Variants in BRWD1 observed in about 807,000 individuals in gnomAD.
The protein encoded by BRWD1 is bromodomain and WD repeat domain containing 1, also known as bromodomain and WD repeat-containing protein 1.
A neutral mutation model predicts 251.2 loss-of-function variants in BRWD1; 82 were observed. That is an observed-to-expected ratio of 0.33 (90% CI 0.27 to 0.39). BRWD1 has a LOEUF of 0.39. Ranked by LOEUF, BRWD1 falls within the 10% of genes least tolerant of loss-of-function variation. The pLI is 1.00. For missense variants in BRWD1, 2,233 were observed against 2,711.6 expected, an observed-to-expected ratio of 0.82 and a Z score of 3.92; for synonymous variants, 918 against 902.8, an observed-to-expected ratio of 1.02 and a Z score of -0.30.
Position 39,195,980 on chromosome 21 carries a change from G to A in BRWD1, c.*279C>T. ...GGTTTTGATAACCAGGATGTCTAGT[G>A]TTTAACATATTTCAAACTCTTGCTA... On this transcript the variant is annotated 3_prime_UTR_variant, in exon 41 of 41. Coordinates refer to ENST00000342449, the MANE Select transcript of BRWD1 (RefSeq NM_033656.4). 9.1e-7 allele frequency: 1 copy of A among 1,104,370 alleles called. No homozygotes were observed. The highest frequency in any genetic ancestry group is 1.1e-6 in the Non-Finnish European group (1 of 907,442). The allele number at this position is 1,104,370 out of a possible 1,614,324, so 68.4% of individuals were successfully genotyped here.
At chr21:39,284,757 C>T (rs558813818) in intron 8 of BRWD1, among the ~76,000 whole-genome samples, 2 of 152,202 alleles carry the variant, frequency 1.3e-5, no homozygotes, top group East Asian at 3.9e-4. Context: ...GTCTTTTGCC[C>T]ATTTTTTAAC....
intron 4 of BRWD1, among the ~76,000 whole-genome samples, chr21:39,309,814 G>A (rs1275394840): frequency 2.5e-5 from 3 of 120,834 alleles, no homozygotes; most frequent in Non-Finnish European, 4.9e-5. Context: ...GACAGAGCGA[G>A]ACTCCGTCTC....
At chr21:39,279,640 A>G (rs1404723276) in intron 9 of BRWD1, among the ~76,000 whole-genome samples, 2 of 109,384 alleles carry the variant, frequency 1.8e-5, no homozygotes, top group African/African-American at 6.7e-5. Context: ...CTCCATCTCA[A>G]AAAAAAAAAA....
intron 27 of BRWD1, among the ~76,000 whole-genome samples, chr21:39,228,202 C>T (rs2146541431): frequency 6.6e-6 from 1 of 152,190 alleles, no homozygotes; most frequent in South Asian, 2.1e-4. Context: ...GCAAGAGAAT[C>T]GCTTGAACTT....
intron 34 of BRWD1, 118 bp downstream of exon 34, chr21:39,212,548 A>T: frequency 1.4e-6 from 1 of 729,384 alleles, no homozygotes; most frequent in Non-Finnish European, 2.3e-6. Flanking sequence ...CCATTTTGCT[A>T]ATAAAATATT....
chr21:39,277,502 G>C, intron 10 of BRWD1, 151 bp from the exon 11 acceptor site: 1 of 490,588 alleles, frequency 2.0e-6, no homozygotes, highest in Non-Finnish European at 3.4e-6. Context: ...CTATATAGAG[G>C]TTATAAAGCT....
chr21:39,200,494 C>A (rs1419593201), intron 38 of BRWD1, 108 bp from the exon 39 acceptor site: 10 of 897,118 alleles, frequency 1.1e-5, no homozygotes, highest in African/African-American at 6.9e-5. Flanking sequence ...ACTACAAAAG[C>A]AGATTCCTAA....
chr21:39,300,140 A>C (rs1459261506), intron 4 of BRWD1, among the ~76,000 whole-genome samples: 2 of 152,166 alleles, frequency 1.3e-5, no homozygotes, highest in East Asian at 3.8e-4. Context: ...TAGAATCCTA[A>C]GGCGCCTCAG....
chr21:39,198,760 T>G lies in BRWD1; in HGVS notation c.5653+3A>C. 1 of 1,569,660 alleles carries G rather than the reference T, an allele frequency of 6.4e-7. No homozygotes were observed. The highest frequency in any genetic ancestry group is 1.8e-5 in the Admixed American group (1 of 54,412). ...GTGAACAAAGATAAATGTTTTGAAT[T>G]ACCTTTCATAAAATTGTTTGGTTTT... is the stretch of plus-strand genomic sequence containing the variant. On this transcript the variant is annotated splice_donor_region_variant and intron_variant, in intron 40 of 40. Coordinates refer to ENST00000342449, the MANE Select transcript of BRWD1 (RefSeq NM_033656.4).
At position 39,194,724 on chromosome 21, in the gene BRWD1, C is replaced by T; in HGVS notation, c.*1535G>A. ...TGATGCTTCGCCTTGTCTGCCACTT[C>T]AAAGATACACAGGAGAAAAGGTTTT... On this transcript the variant is annotated 3_prime_UTR_variant, in exon 41 of 41. Transcript: ENST00000342449. The T allele has an allele frequency of 6.5e-7, 1 of 1,535,170 alleles. No homozygotes were observed. Among genetic ancestry groups the T allele is most frequent in the South Asian group, 1.2e-5 (1 of 84,030 alleles).
Position 39,192,677 on chromosome 21 carries a change from T to G in BRWD1, c.*3582A>C. On this transcript the variant is annotated 3_prime_UTR_variant, in exon 41 of 41. Coordinates refer to ENST00000342449, the MANE Select transcript of BRWD1 (RefSeq NM_033656.4). The stretch of plus-strand genomic sequence containing the variant: ...AGAATGGAGCTGGTTATTTCAGCTT[T>G]AAAAGGGCAAAGCAAAAAGACCATT... 1.0e-6 allele frequency: 1 copy of G among 985,148 alleles called. No homozygotes were observed. The highest frequency in any genetic ancestry group is 1.2e-6 in the Non-Finnish European group (1 of 829,742). The allele number at this position is 985,148 out of a possible 1,614,324, so 61.0% of individuals were successfully genotyped here.
chr21:39,196,144 T>C lies in BRWD1; in HGVS notation c.*115A>G, dbSNP rs2031798597. Reference sequence around the variant, plus strand: ...ATTTAGTCACATTCATAACTTTTCATAGAAAAATATAAATATATTCCCTGA... The same window carrying C: ...ATTTAGTCACATTCATAACTTTTCACAGAAAAATATAAATATATTCCCTGA... On this transcript the variant is annotated 3_prime_UTR_variant, in exon 41 of 41. Transcript: ENST00000342449. 1 of 1,459,494 alleles carries C rather than the reference T, an allele frequency of 6.9e-7. No individual in the cohort carries two copies. Among genetic ancestry groups the C allele is most frequent in the Non-Finnish European group, 9.0e-7 (1 of 1,113,618 alleles). The allele number at this position is 1,459,494 out of a possible 1,614,324, so 90.4% of individuals were successfully genotyped here.
At chr21:39,238,381 C>T in intron 22 of BRWD1, 98 bp downstream of exon 22, 1 of 886,098 alleles carries the variant, frequency 1.1e-6, no homozygotes, top group Non-Finnish European at 1.8e-6. Context: ...AACTGTTCCA[C>T]AGTTGCAAAT....
At chr21:39,304,251 A>T (rs1042850391) in intron 4 of BRWD1, among the ~76,000 whole-genome samples, 3 of 146,098 alleles carry the variant, frequency 2.1e-5, no homozygotes, top group African/African-American at 8.3e-5. Context: ...AAAAAGTGAG[A>T]GAAAGAATAA....
intron 8 of BRWD1, among the ~76,000 whole-genome samples, chr21:39,286,861 T>C (rs948704065): frequency 3.3e-5 from 5 of 152,194 alleles, no homozygotes; most frequent in African/African-American, 1.2e-4. Context: ...GTTGTAGTAA[T>C]AGTATAGTGT....
intron 1 of BRWD1, among the ~76,000 whole-genome samples, chr21:39,319,770 A>G (rs1182118106): frequency 6.6e-6 from 1 of 151,938 alleles, no homozygotes; most frequent in Non-Finnish European, 1.5e-5. Flanking sequence ...CTCCATTCCC[A>G]CTTAGTTCAG....
Position 39,199,000 on chromosome 21 carries a change from ATGTAT to A in BRWD1, c.5411_5415del (p.Asn1804IlefsTer9), listed in dbSNP as rs1162617535. On this transcript the variant is annotated frameshift_variant, in exon 40 of 41. Coordinates refer to ENST00000342449, the MANE Select transcript of BRWD1 (RefSeq NM_033656.4). LOFTEE classifies it high-confidence loss of function. The stretch of plus-strand genomic sequence containing the variant: ...TTAAAGAAACTCGCATTCTTGTGAA[ATGTAT>A]TGTATTTCCTACCACCAGATCTTCC... 1.2e-6 allele frequency: 2 copies of A among 1,614,008 alleles called. No homozygotes were observed. Among genetic ancestry groups the A allele is most frequent in the African/African-American group, 1.3e-5 (1 of 74,980 alleles).
In BRWD1 at chr21:39,196,041, C is replaced by A; in HGVS notation, c.*218G>T. The A allele has an allele frequency of 7.9e-7, 1 of 1,267,282 alleles. No individual in the cohort carries two copies. 78.5% of individuals were successfully genotyped at this position (1,267,282 alleles called of 1,614,324 possible). A position where few individuals can be genotyped will look rare whatever the true frequency, so the allele number is the denominator to read the frequency against. On this transcript the variant is annotated 3_prime_UTR_variant, in exon 41 of 41. Coordinates refer to ENST00000342449, the MANE Select transcript of BRWD1 (RefSeq NM_033656.4). ...AATACTGTCAAAATAGATCTGCCCCCAAAATGAAGCATATTTTGGCACCTG... is the reference window on the plus strand; with the variant it reads ...AATACTGTCAAAATAGATCTGCCCCAAAAATGAAGCATATTTTGGCACCTG...
At chr21:39,294,098 C>T in intron 7 of BRWD1, 66 bp from the exon 8 acceptor site, 2 of 1,259,840 alleles carry the variant, frequency 1.6e-6, no homozygotes, top group South Asian at 2.7e-5. Flanking sequence ...AAAAGAATAC[C>T]TTTTATATGC....
Sources: gnomAD v4.1 joint callset for allele counts (sites outside exome capture counted in the v4.1 genomes callset) on GRCh38, gnomAD v4.1.1 for gene constraint, MANE v1.5 for transcripts, NCBI Gene and HGNC (gene_info 2026-07-23, HGNC 2026-07-21) for gene names.